TRPM8: variants seen among roughly 807,000 people sequenced by gnomAD.
TRPM8 encodes the protein TRPM8 cationic channel.
A neutral mutation model predicts 133.7 loss-of-function variants in TRPM8; 110 were observed. The ratio of observed to expected loss-of-function variants is 0.82; its 90% CI spans 0.70 to 0.96. The LOEUF (loss-of-function observed/expected upper bound fraction) is 0.96. TRPM8 is among the 40% of genes least tolerant of loss of function. The pLI is 0.00. For synonymous variants in TRPM8, 535 were observed against 532.3 expected, an observed-to-expected ratio of 1.01 and a Z score of -0.07; for missense variants, 1,291 against 1,379.5, an observed-to-expected ratio of 0.94 and a Z score of 1.02.
intron 15 of TRPM8, chr2:233,968,329 G>C (rs1691626997): frequency 6.6e-6 from 1 of 152,326 alleles, no homozygotes; most frequent in South Asian, 2.1e-4. Flanking sequence ...AGACAGGGAA[G>C]GGACAGGGAC....
chr2:234,000,511 A>T (rs1163476362), intron 22 of TRPM8, among the ~76,000 whole-genome samples: 3 of 152,164 alleles, frequency 2.0e-5, no homozygotes, highest in Non-Finnish European at 4.4e-5. Context: ...TTATTCAGTT[A>T]TCTTGTTACA....
At chr2:233,966,996 C>A (rs1031814630) in intron 15 of TRPM8, among the ~76,000 whole-genome samples, 5 of 152,148 alleles carry the variant, frequency 3.3e-5, no homozygotes, top group East Asian at 3.9e-4. Context: ...AACAACACAG[C>A]ATCATAATTA....
intron 11 of TRPM8, among the ~76,000 whole-genome samples, chr2:233,958,027 T>C (rs1223480375): frequency 1.3e-5 from 2 of 152,248 alleles, no homozygotes; most frequent in Admixed American, 1.3e-4. Context: ...TAAAAATATC[T>C]GGAATGCTGA....
chr2:233,979,200 C>A (rs574797374), intron 17 of TRPM8, among the ~76,000 whole-genome samples: 16 of 152,244 alleles, frequency 1.1e-4, no homozygotes, highest in African/African-American at 3.9e-4. Context: ...ATGTTATTTC[C>A]CCGCCTTGCA....
intron 17 of TRPM8, among the ~76,000 whole-genome samples, chr2:233,971,355 G>A (rs13034919): frequency 6.6e-6 from 1 of 152,166 alleles, no homozygotes; most frequent in East Asian, 1.9e-4. Flanking sequence ...GTGACTTCTA[G>A]CCGTCCTGGG....
At chr2:233,999,530 G>A (rs1206624309) in intron 22 of TRPM8, among the ~76,000 whole-genome samples, 1 of 152,066 alleles carries the variant, frequency 6.6e-6, no homozygotes, top group Non-Finnish European at 1.5e-5. Flanking sequence ...TGGCCATCGT[G>A]GCCCTGTTTG....
chr2:233,924,047 G>A (rs1014926368), intron 1 of TRPM8, among the ~76,000 whole-genome samples: 6 of 152,190 alleles, frequency 3.9e-5, no homozygotes, highest in Non-Finnish European at 5.9e-5. Flanking sequence ...GTGTTGGGGG[G>A]AAAGTGTTGA....
intron 6 of TRPM8, among the ~76,000 whole-genome samples, chr2:233,943,253 C>T (rs1054966849): frequency 2.0e-5 from 3 of 151,960 alleles, no homozygotes; most frequent in Admixed American, 1.3e-4. Flanking sequence ...AATGCTATCC[C>T]TCCCCACTCC....
chr2:233,991,892 C>A (rs1692287510), intron 21 of TRPM8, among the ~76,000 whole-genome samples: 1 of 152,042 alleles, frequency 6.6e-6, no homozygotes, highest in Admixed American at 6.5e-5. Context: ...TTCTCCTTCC[C>A]CCAAAAATTC....
At chr2:233,919,038 C>A (rs543771492) in intron 1 of TRPM8, among the ~76,000 whole-genome samples, 11 of 151,226 alleles carry the variant, frequency 7.3e-5, no homozygotes, top group African/African-American at 7.4e-5. Context: ...TTTCTCCCCC[C>A]ACCCCATTTT....
intron 4 of TRPM8, 108 bp from the exon 5 acceptor site, chr2:233,938,890 C>T (rs554411396): frequency 4.6e-6 from 6 of 1,314,550 alleles, no homozygotes; most frequent in African/African-American, 4.4e-5. Flanking sequence ...CACCCCGCCC[C>T]TCTTCTAGAA....
intron 25 of TRPM8, 43 bp from the exon 26 acceptor site, chr2:234,017,256 G>T (rs1445133717): frequency 4.3e-6 from 2 of 467,376 alleles, no homozygotes; most frequent in Non-Finnish European, 8.9e-6. Flanking sequence ...AATGGAAGTG[G>T]GAAATCTATT....
At chr2:233,999,604 C>A (rs962854555) in intron 22 of TRPM8, among the ~76,000 whole-genome samples, 3 of 151,782 alleles carry the variant, frequency 2.0e-5, no homozygotes, top group African/African-American at 7.3e-5. Context: ...GCCTCCCCCA[C>A]CCAATGCTGG....
At chr2:233,923,575 G>A (rs976238023) in intron 1 of TRPM8, among the ~76,000 whole-genome samples, 2 of 152,204 alleles carry the variant, frequency 1.3e-5, no homozygotes, top group Non-Finnish European at 2.9e-5. Context: ...GGCATCCACT[G>A]CACATCTCGA....
chr2:233,927,786 CT>C lies in TRPM8; in HGVS notation c.117+1135del, dbSNP rs1216359005. ...TCTTTCTTTCTTTCTTTCTTTCTTT[CT>C]TTCTTTTCTTTCCTTCCTTCCTTCC... On this transcript the variant is annotated intron_variant, in intron 2 of 25. Transcript: ENST00000324695. Among the ~76,000 whole-genome samples, 118 of 33,812 alleles carry C rather than the reference CT, an allele frequency of 3.5e-3. 10 individuals carry two copies. The highest frequency in any genetic ancestry group is 3.1e-3 in the Non-Finnish European group (72 of 23,006). 22.2% of individuals were successfully genotyped at this position (33,812 alleles called of 152,430 possible). A position where few individuals can be genotyped will look rare whatever the true frequency, so the allele number is the denominator to read the frequency against.
At chr2:233,972,709 C>T (rs536221129) in intron 17 of TRPM8, among the ~76,000 whole-genome samples, 7 of 152,310 alleles carry the variant, frequency 4.6e-5, no homozygotes, top group Non-Finnish European at 7.4e-5. Flanking sequence ...GCCACTGGCC[C>T]GGGTGCTAAA....
chr2:233,925,234 A>G (rs1162874384), intron 1 of TRPM8, among the ~76,000 whole-genome samples: 1 of 152,326 alleles, frequency 6.6e-6, no homozygotes, highest in East Asian at 1.9e-4. Flanking sequence ...CCAATAAATA[A>G]ATATGCAGAT....
intron 1 of TRPM8, among the ~76,000 whole-genome samples, chr2:233,926,034 C>T (rs1024022265): frequency 1.3e-5 from 2 of 152,162 alleles, no homozygotes; most frequent in Admixed American, 1.3e-4. Context: ...GACCCCCAAG[C>T]CCTACCCACC....
At chr2:233,954,077 C>T in intron 10 of TRPM8, 58 bp downstream of exon 10, 1 of 1,213,090 alleles carries the variant, frequency 8.2e-7, no homozygotes, top group South Asian at 1.5e-5. Context: ...TGTGGCTTTT[C>T]ATGACTTACA....
Sources: allele counts gnomAD v4.1 joint callset (sites outside exome capture counted in the v4.1 genomes callset), GRCh38; gene constraint gnomAD v4.1.1; transcripts MANE v1.5; gene names NCBI Gene and HGNC (gene_info 2026-07-23, HGNC 2026-07-21).